The following UBR1 variants were observed in gnomAD, a reference collection of about 807,000 sequenced individuals.
UBR1 encodes the protein ubiquitin protein ligase E3 component n-recognin 1.
A neutral mutation model predicts 242.1 loss-of-function variants in UBR1; 102 were observed. The observed-to-expected ratio is 0.42, with a 90% CI of 0.36 to 0.50. The LOEUF (loss-of-function observed/expected upper bound fraction) is 0.50, where lower values mean the gene tolerates loss of function less well. Ranked by LOEUF, UBR1 falls within the 20% of genes least tolerant of loss-of-function variation. The pLI is 0.01. For synonymous variants in UBR1, 675 were observed against 684.8 expected (o/e 0.99, Z 0.22); for missense variants, 1,772 against 2,101.8 (o/e 0.84, Z 3.07).
chr15:42,954,059 AT>A (rs1193707094), intron 44 of UBR1, among the ~76,000 whole-genome samples: 1 of 151,498 alleles, frequency 6.6e-6, no homozygotes, highest in African/African-American at 2.4e-5. Context: ...ATTATTTTGT[AT>A]TTTTTGTAGA....
chr15:42,999,445 A>G (rs1403740197), intron 32 of UBR1, among the ~76,000 whole-genome samples: 1 of 152,120 alleles, frequency 6.6e-6, no homozygotes, highest in African/African-American at 2.4e-5. Flanking sequence ...AGTATTCCTC[A>G]CTACTCAACA....
chr15:42,966,812 T>C (rs1567110518), intron 40 of UBR1, among the ~76,000 whole-genome samples: 3 of 152,118 alleles, frequency 2.0e-5, no homozygotes, highest in Admixed American at 6.6e-5. Context: ...TTCTTTTTCC[T>C]AGGTGGTGAT....
chr15:42,983,698 T>TAATAAC (rs1001155327), intron 37 of UBR1, among the ~76,000 whole-genome samples, 199 bp downstream of exon 37: 1 of 147,914 alleles, frequency 6.8e-6, no homozygotes, highest in African/African-American at 2.5e-5. Context: ...ATAATAATAA[T>TAATAAC]AATATCACAA....
At position 42,944,509 on chromosome 15, in the gene UBR1, T is replaced by C. The variant is rs2031701633; in HGVS notation, c.*820A>G. 1 of 152,218 alleles carries C rather than the reference T, an allele frequency of 6.6e-6. No individual in the cohort carries two copies. Among genetic ancestry groups the C allele is most frequent in the Non-Finnish European group, 1.5e-5 (1 of 68,040 alleles). The allele number at this position is 152,218 out of a possible 1,614,324, so 9.4% of individuals were successfully genotyped here. A position where few individuals can be genotyped will look rare whatever the true frequency, so the allele number is the denominator to read the frequency against. On this transcript the variant is annotated 3_prime_UTR_variant, in exon 47 of 47. Transcript: ENST00000290650. ...TCATCTTCATTCTACAGTTTTTACA[T>C]CAGAATTACAAGAGGTTTCTGAGAG...
At chr15:42,988,129 T>G (rs1044999707) in intron 35 of UBR1, among the ~76,000 whole-genome samples, 1 of 152,206 alleles carries the variant, frequency 6.6e-6, no homozygotes, top group Admixed American at 6.5e-5. Flanking sequence ...TAGGTGACTT[T>G]GGTTTCCCCT....
At chr15:43,071,710 T>C (rs1317046017) in intron 4 of UBR1, among the ~76,000 whole-genome samples, 1 of 152,210 alleles carries the variant, frequency 6.6e-6, no homozygotes, top group Non-Finnish European at 1.5e-5. Flanking sequence ...TCTGGGTCTT[T>C]TGACTCCCAC....
At chr15:42,988,281 G>GTA (rs1476713682) in intron 35 of UBR1, among the ~76,000 whole-genome samples, 2 of 151,758 alleles carry the variant, frequency 1.3e-5, no homozygotes, top group Non-Finnish European at 2.9e-5. Context: ...GTGTGTGTGT[G>GTA]TGTGTGTGTG....
chr15:43,019,581 G>GTTTTT (rs1248631700), intron 27 of UBR1, among the ~76,000 whole-genome samples: 1 of 135,504 alleles, frequency 7.4e-6, no homozygotes, highest in Non-Finnish European at 1.6e-5. Context: ...CTGGCTTCAG[G>GTTTTT]TTTTTTTTTT....
intron 37 of UBR1, 101 bp from the exon 38 acceptor site, chr15:42,978,048 TA>T: frequency 1.1e-6 from 1 of 889,558 alleles, no homozygotes; most frequent in East Asian, 2.5e-5. Flanking sequence ...ATAACAGGGT[TA>T]TAAAATACAG....
Position 42,966,293 on chromosome 15 carries a change from G to C in UBR1, c.4458-7C>G, listed in dbSNP as rs375808732. On this transcript the variant is annotated splice_polypyrimidine_tract_variant and splice_region_variant and intron_variant, in intron 40 of 46. Transcript: ENST00000290650. ...AATATCACACCCAATGGAGCTAGGA[G>C]ACAATAATTCCAGAAGAGAACAGAA... The C allele has an allele frequency of 6.2e-7, 1 of 1,613,966 alleles. No individual in the cohort carries two copies. The highest frequency in any genetic ancestry group is 8.5e-7 in the Non-Finnish European group (1 of 1,180,044).
intron 20 of UBR1, 105 bp from the exon 21 acceptor site, chr15:43,030,173 T>G: frequency 1.5e-6 from 2 of 1,325,496 alleles, no homozygotes; most frequent in Non-Finnish European, 1.0e-6. Context: ...TTAAATTAAA[T>G]CTGTGAGAGA....
intron 35 of UBR1, among the ~76,000 whole-genome samples, chr15:42,987,540 C>T (rs188074832): frequency 2.2e-4 from 34 of 151,782 alleles, no homozygotes; most frequent in African/African-American, 8.2e-4. Context: ...ATGGTGAAAC[C>T]CCGTCTCTAC....
At chr15:43,082,567 C>T (rs2033985368) in intron 3 of UBR1, 71 bp downstream of exon 3, 12 of 1,187,384 alleles carry the variant, frequency 1.0e-5, no homozygotes, top group Middle Eastern at 1.9e-4. Context: ...AATGTGAATA[C>T]TACTCAAGAA....
chr15:43,018,126 C>T (rs1356172848), intron 27 of UBR1, among the ~76,000 whole-genome samples: 1 of 151,478 alleles, frequency 6.6e-6, no homozygotes, highest in Non-Finnish European at 1.5e-5. Context: ...CCTCAGCCTC[C>T]TGAATAGCTA....
At chr15:43,028,631 G>C (rs1390887610) in intron 21 of UBR1, among the ~76,000 whole-genome samples, 1 of 151,398 alleles carries the variant, frequency 6.6e-6, no homozygotes, top group Admixed American at 6.6e-5. Context: ...TGTAGTCCTA[G>C]CTACTCAGGA....
intron 33 of UBR1, among the ~76,000 whole-genome samples, chr15:42,993,955 C>A (rs1055204944): frequency 2.6e-5 from 4 of 152,070 alleles, no homozygotes; most frequent in Non-Finnish European, 5.9e-5. Flanking sequence ...CTCTTTTGGG[C>A]TATGAGCTGT....
chr15:43,075,015 T>G lies in UBR1; in HGVS notation c.492A>C (p.Val164=). The G allele has an allele frequency of 1.9e-6, 3 of 1,614,126 alleles. No individual in the cohort carries two copies. In the East Asian group the frequency reaches 6.7e-5, roughly 36 times the overall value. Reference sequence around the variant, plus strand: ...TACCTGCTCTTCCAGGTTCATGATTTACACAAAAAGGGCCAGTTTTCCATG... The same window carrying G: ...TACCTGCTCTTCCAGGTTCATGATTGACACAAAAAGGGCCAGTTTTCCATG... The part of the protein sequence containing the change: ...TEAWKTGPFC[V]NHEPGRAGTI... The change falls in exon 4 of 47, where the codon GTA becomes GTC. Residue 164 remains valine, a synonymous_variant. Coordinates refer to ENST00000290650, the MANE Select transcript of UBR1 (RefSeq NM_174916.3).
intron 31 of UBR1, among the ~76,000 whole-genome samples, chr15:43,003,050 T>G (rs1430376046): frequency 6.6e-6 from 1 of 152,190 alleles, no homozygotes; most frequent in African/African-American, 2.4e-5. Flanking sequence ...GGAAAAATTA[T>G]ATATTGTAAT....
chr15:43,050,610 G>C (rs1013981753), intron 12 of UBR1, among the ~76,000 whole-genome samples: 1 of 151,760 alleles, frequency 6.6e-6, no homozygotes, highest in Non-Finnish European at 1.5e-5. Flanking sequence ...TGTAGTCCCA[G>C]CTATTCGGGA....
Sources: gnomAD v4.1 joint callset for allele counts (sites outside exome capture counted in the v4.1 genomes callset) on GRCh38, gnomAD v4.1.1 for gene constraint, MANE v1.5 for transcripts, NCBI Gene and HGNC (gene_info 2026-07-23, HGNC 2026-07-21) for gene names.